AIM2: variants seen among roughly 807,000 people sequenced by gnomAD.
AIM2 encodes the protein interferon-inducible protein AIM2.
AIM2 carries 30 observed loss-of-function variants against 27.7 expected under a neutral mutation model. The observed-to-expected ratio is 1.08, with a 90% CI of 0.81 to 1.47. The LOEUF (loss-of-function observed/expected upper bound fraction) is 1.47. AIM2 is among the 40% of genes most tolerant of loss of function. The probability of loss-of-function intolerance (pLI) is 0.00; values close to 1 mark genes in which losing one functional copy is unlikely to be tolerated. For missense variants in AIM2, 358 were observed against 411.3 expected (o/e 0.87, Z 1.12); for synonymous variants, 141 against 145.3 (o/e 0.97, Z 0.21).
At chr1:159,144,720 C>A (rs537613824), upstream of AIM2, among the ~76,000 whole-genome samples, 3 of 152,312 alleles carry the variant, frequency 2.0e-5, no homozygotes, top group East Asian at 5.8e-4. Context: ...TGTGACCCTA[C>A]AGACAAACTA....
intron 1 of AIM2, among the ~76,000 whole-genome samples, chr1:159,109,729 A>G (rs1488356510): frequency 6.6e-6 from 1 of 152,122 alleles, no homozygotes; most frequent in Non-Finnish European, 1.5e-5. Flanking sequence ...AAAAAATTCC[A>G]TCAAAAAGTG....
intron 1 of AIM2, among the ~76,000 whole-genome samples, chr1:159,118,082 A>G (rs1010414022): frequency 3.9e-5 from 6 of 152,180 alleles, no homozygotes; most frequent in Admixed American, 1.3e-4. Flanking sequence ...ACCCAGAAAC[A>G]TCAAAAATAT....
At chr1:159,067,000 T>C (rs1188265945) in intron 3 of AIM2, among the ~76,000 whole-genome samples, 1 of 152,070 alleles carries the variant, frequency 6.6e-6, no homozygotes, top group Non-Finnish European at 1.5e-5. Flanking sequence ...TTTGAAATTA[T>C]AAAAAAAGAA....
chr1:159,143,212 G>A (rs1223943482), upstream of AIM2, among the ~76,000 whole-genome samples: 2 of 152,116 alleles, frequency 1.3e-5, no homozygotes, highest in Admixed American at 1.3e-4. Context: ...ATGAGACATG[G>A]CAGAGAACAT....
chr1:159,106,441 T>G (rs1366616290), intron 1 of AIM2, among the ~76,000 whole-genome samples: 1 of 152,266 alleles, frequency 6.6e-6, no homozygotes, highest in Non-Finnish European at 1.5e-5. Context: ...TTACCTATTA[T>G]TATGCTTATA....
chr1:159,140,327 GA>G (rs1231104065), intron 1 of AIM2: 1 of 152,206 alleles, frequency 6.6e-6, no homozygotes, highest in Non-Finnish European at 1.5e-5. Flanking sequence ...ACTACTTCAA[GA>G]GAATTTCAAA....
At chr1:159,108,031 G>A (rs1399234125) in intron 1 of AIM2, among the ~76,000 whole-genome samples, 1 of 152,106 alleles carries the variant, frequency 6.6e-6, no homozygotes, top group Non-Finnish European at 1.5e-5. Flanking sequence ...GAGAAAGAGG[G>A]AACCCTCCCT....
chr1:159,105,721 C>T (rs754079760), intron 1 of AIM2, among the ~76,000 whole-genome samples: 9 of 152,152 alleles, frequency 5.9e-5, no homozygotes, highest in African/African-American at 1.4e-4. Flanking sequence ...TAGCTCCTTC[C>T]GCAGCTAGTA....
chr1:159,141,779 G>C (rs78838050), upstream of AIM2, among the ~76,000 whole-genome samples: 1 of 152,018 alleles, frequency 6.6e-6, no homozygotes. Context: ...GAGCGGTGGG[G>C]GGGGACAGGG....
At position 159,068,585 on chromosome 1, in the gene AIM2, CT is replaced by C. The variant is rs35336208; in HGVS notation, c.378del (p.Val127SerfsTer33). ...NDVAKQRAAPKVSPHVKPEQK... is the reference protein window; with the variant it reads ...NDVAKQRAAPXVSPHVKPEQK... ...TATCCTACCTTAACATGAGGAGAGA[CT>C]TTTGGTGCAGCACGTTGCTTTGCGA... is the stretch of plus-strand genomic sequence containing the variant. On this transcript the variant is annotated frameshift_variant, in exon 3 of 6. Transcript: ENST00000368130. LOFTEE classifies it high-confidence loss of function. 102 of 1,612,814 alleles carry C rather than the reference CT, an allele frequency of 6.3e-5. No individual in the cohort carries two copies. The highest frequency in any genetic ancestry group is 8.3e-5 in the Non-Finnish European group (98 of 1,179,560).
intron 1 of AIM2, among the ~76,000 whole-genome samples, chr1:159,102,132 G>A (rs986583959): frequency 2.6e-5 from 4 of 152,194 alleles, no homozygotes; most frequent in African/African-American, 9.7e-5. Flanking sequence ...ATGGTGCACT[G>A]CATCCCAGCT....
At chr1:159,059,392 T>C (rs12072060), downstream of AIM2, among the ~76,000 whole-genome samples, 20 of 152,310 alleles carry the variant, frequency 1.3e-4, no homozygotes, top group African/African-American at 4.8e-4. Context: ...GAAGCCAGTT[T>C]TCTCATCTTT....
rs933731493 is a variant in AIM2, at chr1:159,140,430, C to T, written c.-16+1G>A. 6 of 152,314 alleles carry T rather than the reference C, an allele frequency of 3.9e-5. No homozygotes were observed. Among genetic ancestry groups the T allele is most frequent in the African/African-American group, 1.4e-4 (6 of 41,458 alleles). 9.4% of individuals were successfully genotyped at this position (152,314 alleles called of 1,614,324 possible). A position where few individuals can be genotyped will look rare whatever the true frequency, so the allele number is the denominator to read the frequency against. ...CTATCTACACTGTCAATTCCCCTTACCTTTTGGCATGGCTGCTTTAAACTC... is the reference window on the plus strand; with the variant it reads ...CTATCTACACTGTCAATTCCCCTTATCTTTTGGCATGGCTGCTTTAAACTC... On this transcript the variant is annotated splice_donor_variant, in intron 1 of 2. Transcript: ENST00000368129. LOFTEE classifies it low-confidence loss of function (5UTR_SPLICE).
the AIM2 span, among the ~76,000 whole-genome samples, chr1:159,056,188 T>C: frequency 6.6e-6 from 1 of 152,198 alleles, no homozygotes; most frequent in Non-Finnish European, 1.5e-5. Flanking sequence ...ACGGTCCTTC[T>C]GCAAAGCCAG....
upstream of AIM2, among the ~76,000 whole-genome samples, chr1:159,144,339 TTGTC>T (rs1413303237): frequency 6.6e-6 from 1 of 152,182 alleles, no homozygotes. Flanking sequence ...ACTCTGGACT[TTGTC>T]TGAGGACTTT....
intron 1 of AIM2, among the ~76,000 whole-genome samples, chr1:159,075,572 C>CATAT (rs1490024330): frequency 7.0e-6 from 1 of 142,710 alleles, no homozygotes; most frequent in South Asian, 2.4e-4. Context: ...CACACACACA[C>CATAT]ACATATATAT....
chr1:159,061,058 G>A (rs11265137), downstream of AIM2, among the ~76,000 whole-genome samples: 22 of 152,258 alleles, frequency 1.4e-4, no homozygotes, highest in African/African-American at 5.3e-4. Context: ...CATTGTAGAT[G>A]CATATTAAGT....
At chr1:159,144,700 A>T (rs570636940), upstream of AIM2, among the ~76,000 whole-genome samples, 1 of 152,326 alleles carries the variant, frequency 6.6e-6, no homozygotes, top group East Asian at 1.9e-4. Context: ...CCTCTAATTG[A>T]ATACCACTTT....
At chr1:159,112,858 C>CT (rs571907706) in intron 1 of AIM2, among the ~76,000 whole-genome samples, 1 of 150,990 alleles carries the variant, frequency 6.6e-6, no homozygotes, top group Admixed American at 6.6e-5. Flanking sequence ...TTCTACTAGA[C>CT]TTTTTTTTAA....
Sources: allele counts gnomAD v4.1 joint callset (sites outside exome capture counted in the v4.1 genomes callset), GRCh38; gene constraint gnomAD v4.1.1; transcripts MANE v1.5; gene names NCBI Gene and HGNC (gene_info 2026-07-23, HGNC 2026-07-21).